CIMAP1D: variants seen among roughly 807,000 people sequenced by gnomAD.
CIMAP1D encodes CIMAP1 family member D, also known as protein CIMAP1D.
the CIMAP1D span, among the ~76,000 whole-genome samples, chr19:477,726 G>A: frequency 2.0e-5 from 3 of 152,292 alleles, no homozygotes; most frequent in African/African-American, 4.8e-5. Flanking sequence ...GCAGTGGCAC[G>A]ATCTCGGCTC....
At chr19:485,336 G>A in the CIMAP1D span, among the ~76,000 whole-genome samples, 2 of 152,206 alleles carry the variant, frequency 1.3e-5, no homozygotes, top group Non-Finnish European at 2.9e-5. Flanking sequence ...CCCGAGCCCC[G>A]TGGCGCCCTG....
chr19:480,307 G>C, the CIMAP1D span, among the ~76,000 whole-genome samples: 2 of 152,350 alleles, frequency 1.3e-5, no homozygotes, highest in East Asian at 3.9e-4. Flanking sequence ...GTGGGGACAC[G>C]GGTGACGTGT....
chr19:478,401 G>A, the CIMAP1D span, among the ~76,000 whole-genome samples: 3 of 96,930 alleles, frequency 3.1e-5, no homozygotes, highest in African/African-American at 2.0e-4. Flanking sequence ...CCCATTTTAC[G>A]TGGGGTGGAA....
the CIMAP1D span, chr19:464,287 A>G: frequency 6.5e-7 from 1 of 1,540,816 alleles, no homozygotes; most frequent in South Asian, 1.2e-5. Context: ...CCCAGGGTGA[A>G]AGCCGGCGGT....
chr19:467,540 C>T, the CIMAP1D span: 1 of 803,998 alleles, frequency 1.2e-6, no homozygotes, highest in Non-Finnish European at 2.2e-6. Flanking sequence ...TCCAAAGACT[C>T]TGCATTCTAA....
the CIMAP1D span, among the ~76,000 whole-genome samples, chr19:476,606 G>C: frequency 1.3e-5 from 2 of 152,088 alleles, no homozygotes; most frequent in Non-Finnish European, 2.9e-5. Context: ...AATCAAAATG[G>C]TATAGTCTAC....
chr19:471,030 GC>G, the CIMAP1D span, among the ~76,000 whole-genome samples: 1 of 152,232 alleles, frequency 6.6e-6, no homozygotes, highest in Non-Finnish European at 1.5e-5. Context: ...GGCCCGGGGA[GC>G]CCCCACCTTC....
chr19:478,235 A>T, the CIMAP1D span, among the ~76,000 whole-genome samples: 1 of 152,202 alleles, frequency 6.6e-6, no homozygotes, highest in Non-Finnish European at 1.5e-5. Context: ...CCCACGGCTA[A>T]AGAGACAGAG....
chr19:467,584 G>T, the CIMAP1D span: 372 of 995,948 alleles, frequency 3.7e-4, 7 homozygotes, highest in Admixed American at 6.1e-3. Flanking sequence ...GGGAGGACAG[G>T]GCAGGAGAGT....
the CIMAP1D span, among the ~76,000 whole-genome samples, chr19:466,551 G>C: frequency 6.7e-6 from 1 of 149,948 alleles, no homozygotes; most frequent in African/African-American, 2.5e-5. Context: ...TGGGTGGATG[G>C]TTGGGAGGGT....
At chr19:472,587 G>C in the CIMAP1D span, 2 of 954,184 alleles carry the variant, frequency 2.1e-6, no homozygotes, top group East Asian at 6.3e-5. Flanking sequence ...CCTTAGCCTG[G>C]GTTCCCCTCT....
the CIMAP1D span, among the ~76,000 whole-genome samples, chr19:476,747 A>G: frequency 6.6e-6 from 1 of 152,248 alleles, no homozygotes. Context: ...AAATATATTT[A>G]GAAGTTAAAC....
chr19:474,701 G>T, the CIMAP1D span: 7 of 1,566,334 alleles, frequency 4.5e-6, no homozygotes, highest in Non-Finnish European at 8.7e-7. Flanking sequence ...CCGGCCAAGG[G>T]GGGCTGTGGC....
At chr19:487,287 G>GC in the CIMAP1D span, among the ~76,000 whole-genome samples, 1 of 152,174 alleles carries the variant, frequency 6.6e-6, no homozygotes, top group Non-Finnish European at 1.5e-5. Flanking sequence ...GGCGTGCGCT[G>GC]CAAGTGAGGG....
At chr19:469,220 A>AAT in the CIMAP1D span, among the ~76,000 whole-genome samples, 1,505 of 147,322 alleles carry the variant, frequency 0.01, 27 homozygotes, top group African/African-American at 0.037. Flanking sequence ...GGCTGGGGAG[A>AAT]TTCTTTTTTT....
chr19:470,373 AT>A, the CIMAP1D span, among the ~76,000 whole-genome samples: 121,195 of 148,036 alleles, frequency 0.82, 49,584 homozygotes, highest in East Asian at 0.99. Context: ...CGCCCGGCTA[AT>A]TTTTTTTTTT....
chr19:481,220 A>T, the CIMAP1D span, among the ~76,000 whole-genome samples: 2 of 106,634 alleles, frequency 1.9e-5, no homozygotes, highest in East Asian at 3.9e-4. Context: ...GAGAAGGATG[A>T]TGGGGAAGGA....
the CIMAP1D span, chr19:463,482 G>T: frequency 3.0e-6 from 1 of 332,698 alleles, no homozygotes. Flanking sequence ...AAGCTGTGAT[G>T]GGGATCCAGG....
the CIMAP1D span, among the ~76,000 whole-genome samples, chr19:477,805 G>C: frequency 6.6e-6 from 1 of 152,222 alleles, no homozygotes; most frequent in African/African-American, 2.4e-5. Context: ...TGGGACTGCA[G>C]ACACGCGCCA....
Sources: allele counts gnomAD v4.1 joint callset (sites outside exome capture counted in the v4.1 genomes callset), GRCh38; gene constraint gnomAD v4.1.1; transcripts MANE v1.5; gene names NCBI Gene and HGNC (gene_info 2026-07-23, HGNC 2026-07-21).